The following SLC44A5 variants were observed in gnomAD, a reference collection of about 807,000 sequenced individuals.
SLC44A5 encodes solute carrier family 44 member 5.
SLC44A5 carries 57 observed loss-of-function variants against 101.8 expected under a neutral mutation model. That is an observed-to-expected ratio of 0.56 (90% CI 0.45 to 0.70). SLC44A5 has a LOEUF of 0.70. Ranked by LOEUF, SLC44A5 falls within the 30% of genes least tolerant of loss-of-function variation. The probability of loss-of-function intolerance (pLI) is 0.00; values close to 1 mark genes in which losing one functional copy is unlikely to be tolerated. For synonymous variants in SLC44A5, 281 were observed against 290.9 expected (o/e 0.97, Z 0.35); for missense variants, 737 against 853.1 (o/e 0.86, Z 1.70).
intron 4 of SLC44A5, among the ~76,000 whole-genome samples, chr1:75,312,010 A>G (rs541912723): frequency 4.3e-4 from 66 of 152,270 alleles, no homozygotes; most frequent in Admixed American, 2.5e-3. Context: ...AGTTCCCACA[A>G]TTCCCACATG....
At chr1:75,633,516 C>T in the SLC44A5 span, among the ~76,000 whole-genome samples, 1 of 152,062 alleles carries the variant, frequency 6.6e-6, no homozygotes, top group African/African-American at 2.4e-5. Context: ...ATTTGGCTCT[C>T]TGTATGTCTG....
chr1:75,213,936 A>G lies in SLC44A5; in HGVS notation c.1856T>C (p.Leu619Pro). The G allele has an allele frequency of 6.3e-7, 1 of 1,593,754 alleles. No homozygotes were observed. Among genetic ancestry groups the G allele is most frequent in the South Asian group, 1.1e-5 (1 of 87,660 alleles). The change falls in exon 21 of 24, where the codon CTA becomes CCA. Residue 619 changes from leucine (L) to proline (P), a missense_variant. Physicochemically the swap from Leu to Pro is moderately conservative, Grantham distance 98. Transcript: ENST00000370859. ...TTACTTACCTATACTTCCAGCAACT[A>G]GAAGTTTCCCCAGGAATAATACAAA... is the stretch of plus-strand genomic sequence containing the variant. ...TYFVLFLGKL[L>P]VAGSIGVLAF...
At chr1:75,716,114 C>G in the SLC44A5 span, among the ~76,000 whole-genome samples, 1 of 152,140 alleles carries the variant, frequency 6.6e-6, no homozygotes, top group Admixed American at 6.5e-5. Flanking sequence ...CAATGAGATA[C>G]CATCTCACAC....
intron 6 of SLC44A5, among the ~76,000 whole-genome samples, chr1:75,260,214 A>G (rs1435802112): frequency 1.3e-5 from 2 of 152,302 alleles, no homozygotes; most frequent in Admixed American, 1.3e-4. Context: ...AACTGCCCCA[A>G]TTAAAAGACA....
chr1:75,539,453 T>C (rs1021462440), intron 2 of SLC44A5, among the ~76,000 whole-genome samples: 3 of 151,254 alleles, frequency 2.0e-5, no homozygotes, highest in Admixed American at 2.0e-4. Context: ...TGCCAGCTTT[T>C]CTGTTCCACT....
intron 1 of SLC44A5, among the ~76,000 whole-genome samples, chr1:75,543,445 C>A (rs186445659): frequency 2.2e-4 from 34 of 151,972 alleles, no homozygotes; most frequent in Middle Eastern, 3.4e-3. Context: ...CTAACTTTTT[C>A]TCCATGTTTA....
At chr1:75,445,317 G>C (rs1050944130) in intron 2 of SLC44A5, among the ~76,000 whole-genome samples, 2 of 151,926 alleles carry the variant, frequency 1.3e-5, no homozygotes, top group Non-Finnish European at 2.9e-5. Context: ...TCTGCCATGA[G>C]TAAAGGCATC....
At chr1:75,445,766 T>C (rs146448054) in intron 2 of SLC44A5, among the ~76,000 whole-genome samples, 56 of 152,160 alleles carry the variant, frequency 3.7e-4, no homozygotes, top group African/African-American at 1.3e-3. Context: ...CAGACCTTTC[T>C]CTCCAACTGC....
intron 1 of SLC44A5, among the ~76,000 whole-genome samples, chr1:75,598,495 T>C (rs2102138636): frequency 6.6e-6 from 1 of 152,296 alleles, no homozygotes; most frequent in East Asian, 1.9e-4. Flanking sequence ...TGCAGCACTA[T>C]TCACAATAGC....
chr1:75,643,223 T>C, the SLC44A5 span, among the ~76,000 whole-genome samples: 1 of 152,132 alleles, frequency 6.6e-6, no homozygotes, highest in Non-Finnish European at 1.5e-5. Flanking sequence ...AAATATCATA[T>C]TTGTCTGATG....
At chr1:75,397,029 A>G (rs1017833752) in intron 2 of SLC44A5, among the ~76,000 whole-genome samples, 2 of 152,174 alleles carry the variant, frequency 1.3e-5, no homozygotes, top group African/African-American at 4.8e-5. Flanking sequence ...TGAAAAACTT[A>G]ATATGCATTA....
the SLC44A5 span, among the ~76,000 whole-genome samples, chr1:75,674,725 GAA>G: frequency 0.25 from 37,893 of 151,974 alleles, 5,039 homozygotes; most frequent in Non-Finnish European, 0.3. Context: ...ACAGGATCTA[GAA>G]AATAGCCTCA....
At chr1:75,435,958 T>C (rs987434858) in intron 2 of SLC44A5, among the ~76,000 whole-genome samples, 24 of 152,048 alleles carry the variant, frequency 1.6e-4, no homozygotes, top group African/African-American at 5.8e-4. Context: ...TTCAGGGAGA[T>C]TACATTAGAA....
intron 2 of SLC44A5, among the ~76,000 whole-genome samples, chr1:75,487,951 G>A (rs547540783): frequency 1.6e-4 from 25 of 152,282 alleles, no homozygotes; most frequent in African/African-American, 5.1e-4. Flanking sequence ...TCTGCCTCCT[G>A]TCAGATTGGC....
chr1:75,293,099 G>T (rs1019414382), intron 5 of SLC44A5, among the ~76,000 whole-genome samples: 2 of 152,200 alleles, frequency 1.3e-5, no homozygotes, highest in African/African-American at 4.8e-5. Context: ...AGAGAGAAGA[G>T]AAATTATTTG....
At chr1:75,689,558 A>G in the SLC44A5 span, among the ~76,000 whole-genome samples, 1 of 152,212 alleles carries the variant, frequency 6.6e-6, no homozygotes, top group Non-Finnish European at 1.5e-5. Flanking sequence ...GAACCACTCA[A>G]ATAGTCAGGG....
chr1:75,264,680 A>G (rs1650840932), intron 6 of SLC44A5, among the ~76,000 whole-genome samples: 1 of 152,184 alleles, frequency 6.6e-6, no homozygotes, highest in Non-Finnish European at 1.5e-5. Context: ...GTAATGACCT[A>G]CATCATAAAA....
the SLC44A5 span, among the ~76,000 whole-genome samples, chr1:75,686,721 A>G: frequency 2.6e-5 from 4 of 152,240 alleles, no homozygotes; most frequent in Non-Finnish European, 5.9e-5. Context: ...AAATCAGGAA[A>G]TTGGAAGCTA....
At chr1:75,679,519 A>G in the SLC44A5 span, among the ~76,000 whole-genome samples, 6 of 151,910 alleles carry the variant, frequency 3.9e-5, no homozygotes, top group African/African-American at 1.2e-4. Context: ...ACTAAGCTTC[A>G]TAAGTGAAGG....
Sources: allele counts gnomAD v4.1 joint callset (sites outside exome capture counted in the v4.1 genomes callset), GRCh38; gene constraint gnomAD v4.1.1; transcripts MANE v1.5; gene names NCBI Gene and HGNC (gene_info 2026-07-23, HGNC 2026-07-21).